Variants in BIRC6 observed in about 807,000 individuals in gnomAD.
BIRC6 encodes dual E2 ubiquitin-conjugating enzyme/E3 ubiquitin-protein ligase BIRC6.
A neutral mutation model predicts 503.3 loss-of-function variants in BIRC6; 98 were observed. The observed-to-expected ratio is 0.19, with a 90% CI of 0.17 to 0.23. The LOEUF is 0.23. Ranked by LOEUF, BIRC6 falls within the 10% of genes least tolerant of loss-of-function variation. BIRC6 has a pLI of 1.00. For missense variants in BIRC6, 5,360 were observed against 5,806.0 expected (o/e 0.92, Z 2.50); for synonymous variants, 2,240 against 2,078.7 (o/e 1.08, Z -2.11).
At chr2:32,582,757 AAAACAAAC>A (rs538719310) in intron 66 of BIRC6, among the ~76,000 whole-genome samples, 5 of 152,122 alleles carry the variant, frequency 3.3e-5, no homozygotes, top group African/African-American at 7.2e-5. Context: ...CTCTGTCTCA[AAAACAAAC>A]AAACAAACAA....
chr2:32,607,858 GC>G (rs1482384713), intron 72 of BIRC6, among the ~76,000 whole-genome samples: 1 of 150,282 alleles, frequency 6.7e-6, no homozygotes, highest in Non-Finnish European at 1.5e-5. Context: ...GGTGGCAGGC[GC>G]CTGTAATCTC....
At chr2:32,607,136 C>A (rs181016124) in intron 71 of BIRC6, among the ~76,000 whole-genome samples, 1 of 149,960 alleles carries the variant, frequency 6.7e-6, no homozygotes, top group Non-Finnish European at 1.5e-5. Context: ...ACTAAAAAAA[C>A]GAAATTTTTT....
rs1404331656 is a variant in BIRC6 at position 32,513,109 on chromosome 2, T to C, written c.10523T>C (p.Leu3508Pro). 2 of 1,613,792 alleles carry C rather than the reference T, an allele frequency of 1.2e-6. No homozygotes were observed. Among genetic ancestry groups the C allele is most frequent in the East Asian group, 4.5e-5 (2 of 44,870 alleles). Residue 3508 changes from leucine to proline, a missense_variant, in exon 54 of 74, where the codon CTT becomes CCT. Leu to Pro is a moderately conservative substitution (Grantham distance 98, BLOSUM62 -3). Around this residue, in one of 16 missense-constraint regions of BIRC6, gnomAD observed 878 missense variants for 928.9 expected, o/e 0.95. Transcript: ENST00000421745. Reference sequence around the variant, plus strand: ...ATTCTGTGGCATAGTTATGAGCTGCTTGTAGAATATGACTTACCAGCACTC... The same window carrying C: ...ATTCTGTGGCATAGTTATGAGCTGCCTGTAGAATATGACTTACCAGCACTC... ...AAILWHSYELLVEYDLPALLD... is the reference protein window; with the variant it reads ...AAILWHSYELPVEYDLPALLD...
At position 32,515,191 on chromosome 2, in the gene BIRC6, A is replaced by G. The variant is rs551821574; in HGVS notation, c.10770A>G (p.Ser3590=). The G allele has an allele frequency of 9.3e-6, 15 of 1,613,964 alleles. No homozygotes were observed. In the African/African-American group the frequency reaches 1.2e-4, roughly 13 times the overall value. Residue 3590 remains serine, a synonymous_variant, in exon 55 of 74, where the codon TCA becomes TCG. Coordinates refer to ENST00000421745, the MANE Select transcript of BIRC6 (RefSeq NM_016252.4). ...TDDSKKQDLS[S]SLTDDSKNAQ... Reference sequence around the variant, plus strand: ...ATAGCAAAAAGCAGGATCTTAGTTCATCTTTAACAGATGACTCTAAAAATG... The same window carrying G: ...ATAGCAAAAAGCAGGATCTTAGTTCGTCTTTAACAGATGACTCTAAAAATG...
chr2:32,431,343 G>A (rs149027265), intron 12 of BIRC6, among the ~76,000 whole-genome samples: 18 of 151,504 alleles, frequency 1.2e-4, no homozygotes, highest in African/African-American at 3.9e-4. Context: ...CTACAGGTGC[G>A]CATCACCACG....
chr2:32,515,649 T>C lies in BIRC6; in HGVS notation c.11228T>C (p.Leu3743Pro). The C allele has an allele frequency of 6.2e-7, 1 of 1,611,146 alleles. No individual in the cohort carries two copies. The highest frequency in any genetic ancestry group is 1.3e-5 in the African/African-American group (1 of 75,060). Residue 3743 changes from leucine to proline, a missense_variant, in exon 55 of 74, where the codon CTT becomes CCT. Transcript: ENST00000421745. ...CAGACCAGTGCAAGATCAGCTTCTC[T>C]TTCTTCAGCTGCTACAACAGGACTG... ...AQQTSARSAS[L>P]SSAATTGLTT...
At chr2:32,434,117 C>A (rs189560526) in intron 13 of BIRC6, among the ~76,000 whole-genome samples, 4 of 152,162 alleles carry the variant, frequency 2.6e-5, no homozygotes, top group Non-Finnish European at 5.9e-5. Flanking sequence ...TAGGAGAAGA[C>A]TTAATTGTGA....
At chr2:32,379,395 T>TA (rs1361161031) in intron 2 of BIRC6, 1 of 152,204 alleles carries the variant, frequency 6.6e-6, no homozygotes, top group Admixed American at 6.5e-5. Context: ...ATTAAAGAAT[T>TA]ACAATAAAAT....
intron 39 of BIRC6, among the ~76,000 whole-genome samples, chr2:32,484,460 G>A (rs1336908215): frequency 6.6e-6 from 1 of 150,980 alleles, no homozygotes; most frequent in Non-Finnish European, 1.5e-5. Context: ...GCTGAGGTAG[G>A]AGAATTGCTA....
At chr2:32,602,287 A>G (rs944582955) in intron 70 of BIRC6, among the ~76,000 whole-genome samples, 3 of 152,244 alleles carry the variant, frequency 2.0e-5, no homozygotes, top group African/African-American at 4.8e-5. Flanking sequence ...TCATAGCAAC[A>G]TAGATGAGCC....
chr2:32,399,613 G>C (rs906785103), intron 6 of BIRC6, among the ~76,000 whole-genome samples: 1 of 151,898 alleles, frequency 6.6e-6, no homozygotes, highest in Non-Finnish European at 1.5e-5. Flanking sequence ...TATAATTATA[G>C]CTAATAGAAA....
At chr2:32,611,843 A>G (rs2151738767) in intron 73 of BIRC6, among the ~76,000 whole-genome samples, 1 of 152,272 alleles carries the variant, frequency 6.6e-6, no homozygotes, top group South Asian at 2.1e-4. Flanking sequence ...GAAGATAATG[A>G]TGACAAGATG....
intron 21 of BIRC6, among the ~76,000 whole-genome samples, chr2:32,446,597 T>G (rs1324550686): frequency 6.6e-6 from 1 of 152,148 alleles, no homozygotes; most frequent in African/African-American, 2.4e-5. Context: ...GGTGGCAGTC[T>G]TAGTACCTTA....
At chr2:32,386,581 A>G (rs572656753) in intron 3 of BIRC6, among the ~76,000 whole-genome samples, 40 of 151,886 alleles carry the variant, frequency 2.6e-4, no homozygotes, top group Admixed American at 9.9e-4. Context: ...AGTAGCTGGG[A>G]TGACAAGTGC....
At chr2:32,545,104 G>T (rs1226403826) in intron 62 of BIRC6, among the ~76,000 whole-genome samples, 1 of 151,960 alleles carries the variant, frequency 6.6e-6, no homozygotes, top group Non-Finnish European at 1.5e-5. Context: ...CATATACAAT[G>T]AATTTTTATT....
intron 33 of BIRC6, among the ~76,000 whole-genome samples, chr2:32,474,358 A>G (rs1364023528): frequency 2.6e-5 from 4 of 152,178 alleles, no homozygotes; most frequent in African/African-American, 9.6e-5. Context: ...AGTAATTTGT[A>G]TCTTTTAATG....
At chr2:32,601,546 A>C (rs1573310157) in intron 70 of BIRC6, among the ~76,000 whole-genome samples, 1 of 151,994 alleles carries the variant, frequency 6.6e-6, no homozygotes, top group East Asian at 1.9e-4. Context: ...GTGCCATTGC[A>C]CTCCAGCCTG....
chr2:32,388,542 A>C (rs957579123), intron 3 of BIRC6, among the ~76,000 whole-genome samples: 1 of 152,136 alleles, frequency 6.6e-6, no homozygotes, highest in Non-Finnish European at 1.5e-5. Context: ...TCACCCATTG[A>C]TGGATACTTA....
chr2:32,394,668 C>CA (rs937184976), intron 5 of BIRC6, among the ~76,000 whole-genome samples: 2 of 151,576 alleles, frequency 1.3e-5, no homozygotes, highest in African/African-American at 2.4e-5. Flanking sequence ...CATGTCTCTA[C>CA]AAAAAAAATA....
Sources: gnomAD v4.1 joint callset for allele counts (sites outside exome capture counted in the v4.1 genomes callset) on GRCh38, gnomAD v4.1.1 for gene constraint, gnomAD v4.1.1 regional missense constraint, MANE v1.5 for transcripts, NCBI Gene and HGNC (gene_info 2026-07-23, HGNC 2026-07-21) for gene names.